The following PRELID2 variants were observed in gnomAD, a reference collection of about 807,000 sequenced individuals.
The protein encoded by PRELID2 is PRELI domain-containing protein 2.
In PRELID2, 25 loss-of-function variants were observed where a neutral mutation model predicts 28.4. That is an observed-to-expected ratio of 0.88 (90% CI 0.64 to 1.23). PRELID2 has a LOEUF of 1.23. Among genes scored for constraint, PRELID2 ranks in the 50% most tolerant of loss-of-function variants. PRELID2 has a pLI of 0.00. For missense variants in PRELID2, 201 were observed against 214.4 expected (o/e 0.94, Z 0.39); for synonymous variants, 76 against 71.6 (o/e 1.06, Z -0.31).
At chr5:145,544,575 C>A in intron 1 of PRELID2, among the ~76,000 whole-genome samples, 1 of 152,072 alleles carries the variant, frequency 6.6e-6, no homozygotes, top group East Asian at 1.9e-4. Context: ...AGGATCACAG[C>A]TATTTACTGC....
the PRELID2 span, among the ~76,000 whole-genome samples, chr5:145,264,513 A>G: frequency 6.6e-6 from 1 of 152,128 alleles, no homozygotes; most frequent in African/African-American, 2.4e-5. Flanking sequence ...AAAGCCAACT[A>G]TGACAAACCC....
chr5:145,346,117 C>A, the PRELID2 span, among the ~76,000 whole-genome samples: 1 of 152,088 alleles, frequency 6.6e-6, no homozygotes, highest in Non-Finnish European at 1.5e-5. Flanking sequence ...AATTACTCAG[C>A]CTTTGAAATT....
downstream of PRELID2, among the ~76,000 whole-genome samples, chr5:145,752,618 T>C (rs1404487139): frequency 1.3e-5 from 2 of 152,188 alleles, no homozygotes; most frequent in Non-Finnish European, 2.9e-5. Context: ...TATCAGACAA[T>C]AGAGGTTTTC....
At chr5:145,755,055 T>C (rs975793337), downstream of PRELID2, among the ~76,000 whole-genome samples, 1 of 152,174 alleles carries the variant, frequency 6.6e-6, no homozygotes, top group African/African-American at 2.4e-5. Context: ...AAGATCAAGA[T>C]CCTGAAGCAT....
chr5:145,325,357 C>A, the PRELID2 span, among the ~76,000 whole-genome samples: 1 of 152,198 alleles, frequency 6.6e-6, no homozygotes, highest in African/African-American at 2.4e-5. Flanking sequence ...AACATCCTCC[C>A]TCTCTTATTG....
At chr5:145,402,050 G>T in the PRELID2 span, among the ~76,000 whole-genome samples, 2 of 152,092 alleles carry the variant, frequency 1.3e-5, no homozygotes, top group Admixed American at 6.6e-5. Context: ...TCCATGTGAG[G>T]CGCCTTATTC....
rs370443034 is a variant in PRELID2 at position 145,476,308 on chromosome 5, T to A, written n.71-2993A>T. Among the ~76,000 whole-genome samples the A allele has an allele frequency of 9.2e-5, 14 of 152,166 alleles. No individual in the cohort carries two copies. In the East Asian group the frequency reaches 9.6e-4, roughly 10 times the overall value. ...TATAGTTAGAAAAATATGCAGAAAA[T>A]TATGTGACATGCGTAAAGTAGAAGA... On this transcript the variant is annotated intron_variant and non_coding_transcript_variant, in intron 1 of 2. Transcript: ENST00000510259.
intron 1 of PRELID2, among the ~76,000 whole-genome samples, chr5:145,652,221 C>T (rs889388693): frequency 4.6e-5 from 7 of 152,068 alleles, no homozygotes; most frequent in South Asian, 2.1e-4. Context: ...TAAAAAGAAA[C>T]AAACAAAGCC....
At chr5:145,708,567 G>A (rs911165043) in intron 1 of PRELID2, among the ~76,000 whole-genome samples, 1 of 151,956 alleles carries the variant, frequency 6.6e-6, no homozygotes, top group Admixed American at 6.6e-5. Flanking sequence ...TAGGAAAAAA[G>A]ATTTATTTTC....
intron 1 of PRELID2, among the ~76,000 whole-genome samples, chr5:145,642,983 T>C (rs151325520): frequency 0.014 from 2,194 of 152,342 alleles, 20 homozygotes; most frequent in Non-Finnish European, 0.023. Flanking sequence ...GGCTTAGGAT[T>C]GTCTTGGCTA....
At chr5:145,745,633 C>G (rs13174021) in intron 1 of PRELID2, among the ~76,000 whole-genome samples, 126,847 of 151,728 alleles carry the variant, frequency 0.84, 53,304 homozygotes, top group East Asian at 0.96. Context: ...AGGCCGAGGA[C>G]GGCAGATCAC....
At chr5:145,402,745 A>C in the PRELID2 span, among the ~76,000 whole-genome samples, 3 of 152,198 alleles carry the variant, frequency 2.0e-5, no homozygotes, top group African/African-American at 7.2e-5. Context: ...GCCATATGTG[A>C]GTTGACACTG....
rs1318232053 is a variant in PRELID2, at chr5:145,819,437, G to T, written c.207+508C>A. 3 of 1,542,376 alleles carry T rather than the reference G, an allele frequency of 1.9e-6. No homozygotes were observed. In the South Asian group the frequency reaches 3.4e-5, roughly 18 times the overall value. On this transcript the variant is annotated intron_variant, in intron 3 of 6. Transcript: ENST00000683046. ...GGACTTCAAAGAGAGAAAACAATTT[G>T]CTATCATGAAGATTTCATCATCAAT...
At chr5:145,582,544 A>C (rs1330454014) in intron 1 of PRELID2, among the ~76,000 whole-genome samples, 2 of 152,078 alleles carry the variant, frequency 1.3e-5, no homozygotes, top group Non-Finnish European at 2.9e-5. Flanking sequence ...CACAGAGCCA[A>C]ATCAAAGCAC....
At chr5:145,462,850 T>C in the PRELID2 span, among the ~76,000 whole-genome samples, 5 of 152,206 alleles carry the variant, frequency 3.3e-5, no homozygotes, top group African/African-American at 1.2e-4. Context: ...GGTGATGACT[T>C]TCCACTTCTA....
chr5:145,835,185 G>T lies in PRELID2; in HGVS notation c.67C>A (p.Leu23Ile), dbSNP rs1351269889. The T allele has an allele frequency of 6.5e-7, 1 of 1,548,992 alleles. No individual in the cohort carries two copies. The highest frequency in any genetic ancestry group is 2.4e-5 in the East Asian group (1 of 40,834). The change falls in exon 1 of 7, where the codon CTC (leucine) becomes ATC (isoleucine). Residue 23 changes from leucine (L) to isoleucine (I), a missense_variant. Physicochemically the swap from Leu to Ile is conservative, Grantham distance 5. Coordinates refer to ENST00000683046, the MANE Select transcript of PRELID2 (RefSeq NM_205846.3). The stretch of plus-strand genomic sequence containing the variant: ...TGGAAGCGGGGCGGTACCTTTCGGA[G>T]AAAGCTGGCGACCACCTGCTCGAAG... ...YPFEQVVASFLRKYPNPMDKN... is the reference protein window; with the variant it reads ...YPFEQVVASFIRKYPNPMDKN...
At chr5:145,259,668 G>T in the PRELID2 span, among the ~76,000 whole-genome samples, 1 of 152,084 alleles carries the variant, frequency 6.6e-6, no homozygotes, top group Non-Finnish European at 1.5e-5. Context: ...ATTGTATCTT[G>T]GTAGTAACTA....
the PRELID2 span, among the ~76,000 whole-genome samples, chr5:145,356,030 C>A: frequency 6.6e-6 from 1 of 152,094 alleles, no homozygotes; most frequent in African/African-American, 2.4e-5. Flanking sequence ...GTTTTGAATT[C>A]TTCCAATGTC....
chr5:145,402,074 C>T, the PRELID2 span, among the ~76,000 whole-genome samples: 1 of 152,140 alleles, frequency 6.6e-6, no homozygotes, highest in Non-Finnish European at 1.5e-5. Context: ...ACCTTTCATC[C>T]ATAAAATTTG....
Sources: gnomAD v4.1 joint callset for allele counts (sites outside exome capture counted in the v4.1 genomes callset) on GRCh38, gnomAD v4.1.1 for gene constraint, MANE v1.5 for transcripts, NCBI Gene and HGNC (gene_info 2026-07-23, HGNC 2026-07-21) for gene names.